The following EXOC4 variants were observed in gnomAD, a reference collection of about 807,000 sequenced individuals.
EXOC4 encodes the protein exocyst complex component 4.
In EXOC4, 71 loss-of-function variants were observed where a neutral mutation model predicts 107.2. The observed-to-expected ratio is 0.66, with a 90% CI of 0.55 to 0.81. EXOC4 has a LOEUF of 0.81. EXOC4 is among the 30% of genes least tolerant of loss of function. EXOC4 has a pLI of 0.00. For synonymous variants in EXOC4, 456 were observed against 441.2 expected, an observed-to-expected ratio of 1.03 and a Z score of -0.42; for missense variants, 1,108 against 1,189.6, an observed-to-expected ratio of 0.93 and a Z score of 1.01.
At chr7:133,730,895 G>A (rs1795312672) in intron 10 of EXOC4, among the ~76,000 whole-genome samples, 1 of 152,114 alleles carries the variant, frequency 6.6e-6, no homozygotes, top group African/African-American at 2.4e-5. Context: ...CAGGCCTTTA[G>A]TAAGGTTAAA....
intron 11 of EXOC4, among the ~76,000 whole-genome samples, chr7:133,885,305 C>G (rs1472947030): frequency 6.7e-6 from 1 of 149,208 alleles, no homozygotes; most frequent in Non-Finnish European, 1.5e-5. Context: ...AGAGTGAGAC[C>G]CCGTCTCAAA....
At position 133,630,045 on chromosome 7, in the gene EXOC4, G is replaced by T. The variant is rs781025763; in HGVS notation, c.1418G>T (p.Gly473Val). 3 of 1,611,410 alleles carry T rather than the reference G, an allele frequency of 1.9e-6. No homozygotes were observed. Among genetic ancestry groups the T allele is most frequent in the Non-Finnish European group, 2.5e-6 (3 of 1,177,902 alleles). Reference sequence around the variant, plus strand: ...CTGTTTTTTTTCTTTCTTCTGAAAGGGGGTCCTGATGACAACTTAATTGAA... The same window carrying T: ...CTGTTTTTTTTCTTTCTTCTGAAAGTGGGTCCTGATGACAACTTAATTGAA... ...ELYSRSGELQ[G>V]GPDDNLIEGG... The change falls in exon 10 of 18, where the codon GGG (glycine) becomes GTG (valine). Residue 473 changes from glycine to valine, a missense_variant and splice_region_variant. Gly to Val is a moderately radical substitution (Grantham distance 109). Coordinates refer to ENST00000253861, the MANE Select transcript of EXOC4 (RefSeq NM_021807.4).
intron 10 of EXOC4, among the ~76,000 whole-genome samples, chr7:133,788,708 G>C (rs1182017000): frequency 1.3e-5 from 2 of 152,114 alleles, no homozygotes; most frequent in Admixed American, 6.5e-5. Flanking sequence ...GGCCAGGCTG[G>C]TCTCGAACTC....
intron 5 of EXOC4, among the ~76,000 whole-genome samples, chr7:133,334,242 C>T (rs181534999): frequency 3.7e-4 from 56 of 152,296 alleles, no homozygotes; most frequent in African/African-American, 1.3e-3. Flanking sequence ...TTATCCCATT[C>T]CCAGTTTCCT....
chr7:133,716,143 A>T (rs1476925537), intron 10 of EXOC4, among the ~76,000 whole-genome samples: 1 of 152,246 alleles, frequency 6.6e-6, no homozygotes, highest in Non-Finnish European at 1.5e-5. Context: ...ATGATACTTA[A>T]GTATTCTTTT....
intron 10 of EXOC4, among the ~76,000 whole-genome samples, chr7:133,643,507 AG>A (rs1443865925): frequency 6.6e-6 from 1 of 152,170 alleles, no homozygotes; most frequent in Non-Finnish European, 1.5e-5. Context: ...GTTGACACTC[AG>A]TATTAACCAT....
intron 12 of EXOC4, among the ~76,000 whole-genome samples, chr7:133,915,671 C>G (rs1264210620): frequency 6.6e-6 from 1 of 152,010 alleles, no homozygotes; most frequent in Non-Finnish European, 1.5e-5. Context: ...AAGATTGCAC[C>G]TAGCAATGCA....
chr7:133,382,372 C>T (rs1796637256), intron 7 of EXOC4, among the ~76,000 whole-genome samples: 1 of 151,998 alleles, frequency 6.6e-6, no homozygotes, highest in African/African-American at 2.4e-5. Context: ...ATTATTGGGA[C>T]CAACTATGTA....
At chr7:133,754,986 C>T (rs1458392787) in intron 10 of EXOC4, among the ~76,000 whole-genome samples, 4 of 151,568 alleles carry the variant, frequency 2.6e-5, no homozygotes, top group African/African-American at 9.7e-5. Flanking sequence ...CTACTTAAAA[C>T]AAAAATCTTG....
intron 8 of EXOC4, among the ~76,000 whole-genome samples, chr7:133,478,178 T>C (rs575003699): frequency 6.6e-6 from 1 of 151,444 alleles, no homozygotes; most frequent in Non-Finnish European, 1.5e-5. Flanking sequence ...CTTCTAAATA[T>C]GGAATCATTG....
At chr7:133,557,754 G>A (rs1370610665) in intron 9 of EXOC4, among the ~76,000 whole-genome samples, 1 of 152,132 alleles carries the variant, frequency 6.6e-6, no homozygotes, top group African/African-American at 2.4e-5. Context: ...ACTTTGGGAG[G>A]CCTAGACAGA....
intron 10 of EXOC4, among the ~76,000 whole-genome samples, chr7:133,675,504 A>G (rs1237427947): frequency 6.6e-6 from 1 of 152,236 alleles, no homozygotes; most frequent in Admixed American, 6.5e-5. Flanking sequence ...AATGCTTAAA[A>G]TTTGAAACCA....
At chr7:134,090,123 AT>A in the EXOC4 span, among the ~76,000 whole-genome samples, 2 of 152,226 alleles carry the variant, frequency 1.3e-5, no homozygotes, top group Non-Finnish European at 2.9e-5. Flanking sequence ...TTAAGCACTT[AT>A]TTTTAAGCCA....
chr7:133,856,231 C>T (rs1038303965), intron 11 of EXOC4, among the ~76,000 whole-genome samples: 3 of 152,206 alleles, frequency 2.0e-5, no homozygotes, highest in African/African-American at 7.2e-5. Flanking sequence ...CAATCTACAG[C>T]ACCTATATGG....
chr7:133,882,050 C>T (rs1335879135), intron 11 of EXOC4, among the ~76,000 whole-genome samples: 2 of 152,136 alleles, frequency 1.3e-5, no homozygotes, highest in African/African-American at 2.4e-5. Flanking sequence ...TTTGTCTCAC[C>T]GTGTATTAGC....
At chr7:133,253,747 T>G (rs2150494364) in intron 1 of EXOC4, 1 of 156,408 alleles carries the variant, frequency 6.4e-6, no homozygotes, top group Non-Finnish European at 1.4e-5. Context: ...TTTTCAATTT[T>G]TTGCCCTGCC....
chr7:133,925,997 C>G (rs1800042043), intron 13 of EXOC4, among the ~76,000 whole-genome samples: 1 of 149,350 alleles, frequency 6.7e-6, no homozygotes, highest in Non-Finnish European at 1.5e-5. Context: ...CGAGATTGCG[C>G]CACTGACTGC....
intron 9 of EXOC4, among the ~76,000 whole-genome samples, chr7:133,593,000 G>A (rs1801585626): frequency 6.6e-6 from 1 of 152,084 alleles, no homozygotes; most frequent in African/African-American, 2.4e-5. Context: ...GCCCACCTTG[G>A]CCTCCCAACA....
intron 7 of EXOC4, among the ~76,000 whole-genome samples, chr7:133,460,549 G>A (rs960097065): frequency 3.3e-5 from 5 of 152,102 alleles, no homozygotes; most frequent in African/African-American, 1.2e-4. Context: ...TATAAGTAAT[G>A]TATAATAATC....
Sources: gnomAD v4.1 joint callset for allele counts (sites outside exome capture counted in the v4.1 genomes callset) on GRCh38, gnomAD v4.1.1 for gene constraint, MANE v1.5 for transcripts, NCBI Gene and HGNC (gene_info 2026-07-23, HGNC 2026-07-21) for gene names.